Variants in ST6GALNAC3 observed in about 807,000 individuals in gnomAD.
ST6GALNAC3 encodes ST6 N-acetylgalactosaminide alpha-2,6-sialyltransferase 3, also known as alpha-N-acetylgalactosaminide alpha-2,6-sialyltransferase 3.
In ST6GALNAC3, 25 loss-of-function variants were observed where a neutral mutation model predicts 32.7. The ratio of observed to expected loss-of-function variants is 0.76; its 90% confidence interval spans 0.56 to 1.07. The LOEUF (loss-of-function observed/expected upper bound fraction) is 1.07, where lower values mean the gene tolerates loss of function less well. Ranked by LOEUF, ST6GALNAC3 falls within the 50% of genes least tolerant of loss-of-function variation. ST6GALNAC3 has a pLI of 0.00. For synonymous variants in ST6GALNAC3, 129 were observed against 133.1 expected (o/e 0.97, Z 0.21); for missense variants, 355 against 382.4 (o/e 0.93, Z 0.60).
rs1164300078 is a variant in ST6GALNAC3 at position 76,285,414 on chromosome 1, A to AGTGTG, written c.19-28391_19-28390insGTGTG. Reference sequence around the variant, plus strand: ...TGTGTGTGTGTGTGTGTGTGTGTACATGTGTGTGTAATGTGACTTACCCAT... The same window carrying AGTGTG: ...TGTGTGTGTGTGTGTGTGTGTGTACAGTGTGTGTGTGTGTAATGTGACTTACCCAT... On this transcript the variant is annotated intron_variant, in intron 1 of 4. Coordinates refer to ENST00000328299, the MANE Select transcript of ST6GALNAC3 (RefSeq NM_152996.4). Among the ~76,000 whole-genome samples, 3 of 149,850 alleles carry AGTGTG rather than the reference A, an allele frequency of 2.0e-5. No homozygotes were observed. In the Admixed American group the frequency reaches 2.0e-4, roughly 10 times the overall value.
intron 2 of ST6GALNAC3, among the ~76,000 whole-genome samples, chr1:76,364,681 G>C (rs1650230024): frequency 6.6e-6 from 1 of 151,520 alleles, no homozygotes; most frequent in African/African-American, 2.4e-5. Flanking sequence ...GACATGAAAA[G>C]ACATTTCTCA....
At chr1:76,074,907 C>T in intron 1 of ST6GALNAC3, 23 bp downstream of exon 1, 1 of 1,584,898 alleles carries the variant, frequency 6.3e-7, no homozygotes, top group South Asian at 1.2e-5. Context: ...ATCTGTGGCT[C>T]GGACGCGTGG....
At chr1:76,577,374 CT>C (rs1186951093) in intron 3 of ST6GALNAC3, 2 of 964,754 alleles carry the variant, frequency 2.1e-6, no homozygotes, top group Admixed American at 6.2e-5. Flanking sequence ...GCCTCTTAAT[CT>C]TTTAGTGGAA....
intron 1 of ST6GALNAC3, among the ~76,000 whole-genome samples, chr1:76,219,307 C>T (rs1442467293): frequency 6.6e-6 from 1 of 152,210 alleles, no homozygotes; most frequent in African/African-American, 2.4e-5. Context: ...AGCTATTTCC[C>T]AGCCCCTCAC....
At chr1:76,546,968 A>G (rs1188770716) in intron 3 of ST6GALNAC3, among the ~76,000 whole-genome samples, 1 of 152,230 alleles carries the variant, frequency 6.6e-6, no homozygotes, top group Non-Finnish European at 1.5e-5. Flanking sequence ...GATTAAAAGG[A>G]TTGGATAGCT....
intron 3 of ST6GALNAC3, among the ~76,000 whole-genome samples, chr1:76,545,059 G>A (rs560635897): frequency 1.1e-3 from 163 of 152,296 alleles, no homozygotes; most frequent in Non-Finnish European, 1.7e-3. Flanking sequence ...AACCACTACC[G>A]TAGCGTTTCT....
intron 3 of ST6GALNAC3, among the ~76,000 whole-genome samples, chr1:76,575,714 A>G (rs1193961032): frequency 1.3e-5 from 2 of 152,060 alleles, no homozygotes; most frequent in Non-Finnish European, 1.5e-5. Flanking sequence ...TTTACCAATG[A>G]TGGTATTTGG....
intron 3 of ST6GALNAC3, among the ~76,000 whole-genome samples, chr1:76,533,505 A>G (rs1025510319): frequency 1.3e-5 from 2 of 152,018 alleles, no homozygotes; most frequent in Non-Finnish European, 2.9e-5. Flanking sequence ...GCTTCAGTCC[A>G]TGTTCCCTAT....
chr1:76,571,837 T>A lies in ST6GALNAC3; in HGVS notation c.624-55615T>A, dbSNP rs117172824. On this transcript the variant is annotated intron_variant, in intron 3 of 4. Transcript: ENST00000328299. ...TAAGCTAGTGATTTATGCACATAAATCCTTAATTCTTAACTAAGAAAATTT... is the reference window on the plus strand; with the variant it reads ...TAAGCTAGTGATTTATGCACATAAAACCTTAATTCTTAACTAAGAAAATTT... 4.8e-4 allele frequency among the ~76,000 whole-genome samples: 73 copies of A among 152,196 alleles called. 1 individual carries two copies. The East Asian group carries it at 0.014, about 29-fold the overall frequency.
chr1:76,110,624 ATAAAGTTGAGTGCTAAAGGAG>A (rs1647860594), intron 1 of ST6GALNAC3, among the ~76,000 whole-genome samples: 1 of 152,226 alleles, frequency 6.6e-6, no homozygotes, highest in Non-Finnish European at 1.5e-5. Context: ...CAGTCCAAGG[ATAAAGTTGAGTGCTAAAGGAG>A]CAGGCTGTGT....
intron 1 of ST6GALNAC3, among the ~76,000 whole-genome samples, chr1:76,228,290 C>A (rs1463264381): frequency 2.0e-5 from 3 of 152,186 alleles, no homozygotes; most frequent in Admixed American, 6.5e-5. Flanking sequence ...CCTGTAAGAA[C>A]AATCTCTGCC....
intron 1 of ST6GALNAC3, among the ~76,000 whole-genome samples, chr1:76,287,978 C>G (rs1570823): frequency 1.3e-5 from 2 of 152,092 alleles, no homozygotes; most frequent in Non-Finnish European, 2.9e-5. Flanking sequence ...GTTTAGCAAT[C>G]AGCCTGCCTT....
intron 1 of ST6GALNAC3, among the ~76,000 whole-genome samples, chr1:76,278,633 T>A (rs1659323039): frequency 6.6e-6 from 1 of 152,062 alleles, no homozygotes; most frequent in Non-Finnish European, 1.5e-5. Context: ...GTCTATCTGC[T>A]TGAACGGAGA....
intron 3 of ST6GALNAC3, among the ~76,000 whole-genome samples, chr1:76,584,550 T>A (rs1646933725): frequency 6.6e-6 from 1 of 152,214 alleles, no homozygotes; most frequent in Non-Finnish European, 1.5e-5. Flanking sequence ...ATAGCAATAT[T>A]TTTGTTCAGG....
intron 1 of ST6GALNAC3, among the ~76,000 whole-genome samples, chr1:76,268,728 G>C (rs982284170): frequency 6.6e-6 from 1 of 152,176 alleles, no homozygotes; most frequent in Non-Finnish European, 1.5e-5. Context: ...TTACCTGATG[G>C]CTGAATGAAT....
intron 3 of ST6GALNAC3, among the ~76,000 whole-genome samples, chr1:76,611,067 GTATA>G (rs10646330): frequency 6.7e-6 from 1 of 148,762 alleles, no homozygotes; most frequent in Non-Finnish European, 1.5e-5. Flanking sequence ...TCCAGGTGAG[GTATA>G]TATATATATA....
chr1:76,430,964 GA>G (rs1411453074), intron 3 of ST6GALNAC3, among the ~76,000 whole-genome samples: 3 of 152,160 alleles, frequency 2.0e-5, no homozygotes, highest in Non-Finnish European at 4.4e-5. Flanking sequence ...TTGGTAGAAT[GA>G]AGCATGATGC....
At chr1:76,411,402 A>G (rs1242579536) in intron 2 of ST6GALNAC3, among the ~76,000 whole-genome samples, 1 of 152,156 alleles carries the variant, frequency 6.6e-6, no homozygotes, top group Non-Finnish European at 1.5e-5. Context: ...TAGGATAAAC[A>G]TAAACACAGA....
chr1:76,453,993 T>C (rs1373942355), intron 3 of ST6GALNAC3, among the ~76,000 whole-genome samples: 4 of 152,150 alleles, frequency 2.6e-5, no homozygotes, highest in African/African-American at 7.2e-5. Context: ...GGGATTGTGA[T>C]ATTTTTCTGT....
Sources: gnomAD v4.1 joint callset for allele counts (sites outside exome capture counted in the v4.1 genomes callset) on GRCh38, gnomAD v4.1.1 for gene constraint, MANE v1.5 for transcripts, NCBI Gene and HGNC (gene_info 2026-07-23, HGNC 2026-07-21) for gene names.